CNTN5: variants seen among roughly 807,000 people sequenced by gnomAD.
CNTN5 encodes the protein contactin 5, also known as contactin-5.
Under a neutral mutation model 129.1 loss-of-function variants are expected in CNTN5, and 77 were observed. That is an observed-to-expected ratio of 0.60 (90% CI 0.50 to 0.72). The LOEUF is 0.72. Ranked by LOEUF, CNTN5 falls within the 30% of genes least tolerant of loss-of-function variation. CNTN5 has a pLI of 0.00. For missense variants in CNTN5, 1,478 were observed against 1,328.8 expected (o/e 1.11, Z -1.75); for synonymous variants, 509 against 465.6 (o/e 1.09, Z -1.20).
At chr11:99,287,650 C>T (rs1863994343) in intron 1 of CNTN5, among the ~76,000 whole-genome samples, 1 of 151,938 alleles carries the variant, frequency 6.6e-6, no homozygotes, top group African/African-American at 2.4e-5. Context: ...TAGTAGTTGA[C>T]ACTCATCATA....
At chr11:100,323,900 A>C (rs545255508) in intron 21 of CNTN5, among the ~76,000 whole-genome samples, 2 of 152,178 alleles carry the variant, frequency 1.3e-5, no homozygotes, top group East Asian at 1.9e-4. Context: ...TACATCTCCA[A>C]AATTCTCTCT....
chr11:99,681,489 A>G (rs1178393753), intron 3 of CNTN5, among the ~76,000 whole-genome samples: 1 of 152,124 alleles, frequency 6.6e-6, no homozygotes, highest in East Asian at 1.9e-4. Flanking sequence ...GCAGCAAAAG[A>G]TGACCATTTG....
chr11:99,694,363 C>G (rs1954169457), intron 3 of CNTN5, among the ~76,000 whole-genome samples: 1 of 152,072 alleles, frequency 6.6e-6, no homozygotes, highest in African/African-American at 2.4e-5. Context: ...TGAGTAGTTG[C>G]AACAGAGTGT....
At chr11:100,211,684 G>A (rs920805961) in intron 15 of CNTN5, among the ~76,000 whole-genome samples, 1 of 152,104 alleles carries the variant, frequency 6.6e-6, no homozygotes, top group Non-Finnish European at 1.5e-5. Context: ...TTTAGTTGAT[G>A]GTAAACACTT....
chr11:99,370,441 A>G (rs1185664649), intron 2 of CNTN5, among the ~76,000 whole-genome samples: 7 of 152,184 alleles, frequency 4.6e-5, no homozygotes, highest in Admixed American at 4.6e-4. Context: ...CTTGACTCTT[A>G]AGAAGTATTG....
At chr11:99,168,338 G>C (rs974379356) in intron 1 of CNTN5, among the ~76,000 whole-genome samples, 3 of 152,110 alleles carry the variant, frequency 2.0e-5, no homozygotes, top group Admixed American at 1.3e-4. Context: ...CCGAGGCCGG[G>C]GGGGTGGGGG....
At chr11:99,974,869 A>G (rs775090521) in intron 8 of CNTN5, among the ~76,000 whole-genome samples, 1 of 152,244 alleles carries the variant, frequency 6.6e-6, no homozygotes, top group Non-Finnish European at 1.5e-5. Flanking sequence ...TTGGTTATAA[A>G]GGAAAAAAAA....
intron 2 of CNTN5, among the ~76,000 whole-genome samples, chr11:99,523,581 C>A (rs930348903): frequency 6.7e-6 from 1 of 148,734 alleles, no homozygotes; most frequent in Non-Finnish European, 1.5e-5. Flanking sequence ...CAGAGGGAGA[C>A]CCCATCTCAA....
intron 3 of CNTN5, among the ~76,000 whole-genome samples, chr11:99,558,033 G>A (rs1022905717): frequency 7.3e-5 from 11 of 151,666 alleles, no homozygotes; most frequent in African/African-American, 2.7e-4. Context: ...AGACATGCAA[G>A]GAAAAAGGAT....
chr11:99,461,626 A>G (rs1447613325), intron 2 of CNTN5, among the ~76,000 whole-genome samples: 1 of 152,196 alleles, frequency 6.6e-6, no homozygotes, highest in Non-Finnish European at 1.5e-5. Flanking sequence ...TCAATATAGT[A>G]GTAAATTTCT....
At chr11:99,780,257 A>G (rs971749542) in intron 3 of CNTN5, among the ~76,000 whole-genome samples, 2 of 152,084 alleles carry the variant, frequency 1.3e-5, no homozygotes, top group Non-Finnish European at 2.9e-5. Flanking sequence ...ATACGTTAGT[A>G]TATTTACAAG....
rs185249141 is a variant in CNTN5, at chr11:99,957,333, T to A, written c.877+324T>A. Among the ~76,000 whole-genome samples the A allele has an allele frequency of 6.7e-4, 102 of 152,312 alleles. 1 individual carries two copies. Among genetic ancestry groups the A allele is most frequent in the South Asian group, 4.8e-3 (23 of 4,824 alleles). On this transcript the variant is annotated intron_variant, in intron 8 of 24. Coordinates refer to ENST00000524871, the MANE Select transcript of CNTN5 (RefSeq NM_014361.4). ...CTCTTCAGTGCCTCTATATAACATA[T>A]GTGTATGAATTGCAAGCATTTTATG...
rs35250111 is a variant in CNTN5, at chr11:99,243,736, ATTTT to A, written c.-209-81595_-209-81592del. Among the ~76,000 whole-genome samples, 6 of 117,660 alleles carry A rather than the reference ATTTT, an allele frequency of 5.1e-5. No homozygotes were observed. In the East Asian group the frequency reaches 9.1e-4, roughly 18 times the overall value. The allele number at this position is 117,660 out of a possible 152,430, so 77.2% of individuals were successfully genotyped here. A position where few individuals can be genotyped will look rare whatever the true frequency, so the allele number is the denominator to read the frequency against. On this transcript the variant is annotated intron_variant, in intron 1 of 24. Transcript: ENST00000524871. ...ATAGGAAGTCCTTTCCCTATTGCTT[ATTTT>A]TTTTTTTTTTTTTTGGAGATCAGTT...
intron 3 of CNTN5, among the ~76,000 whole-genome samples, chr11:99,562,532 A>G (rs1029924825): frequency 6.6e-6 from 1 of 152,160 alleles, no homozygotes; most frequent in South Asian, 2.1e-4. Context: ...TACATGTTTC[A>G]TACTACCATG....
At chr11:99,706,614 A>T (rs1016861100) in intron 3 of CNTN5, among the ~76,000 whole-genome samples, 1 of 151,466 alleles carries the variant, frequency 6.6e-6, no homozygotes, top group Non-Finnish European at 1.5e-5. Context: ...CTAAATTTGT[A>T]TGTGGTGTCG....
intron 2 of CNTN5, among the ~76,000 whole-genome samples, chr11:99,545,817 C>A (rs1416305490): frequency 1.3e-5 from 2 of 152,172 alleles, no homozygotes; most frequent in African/African-American, 4.8e-5. Flanking sequence ...GAAGCAGTAA[C>A]CCAAGTCCCC....
chr11:99,622,848 T>C (rs569123541), intron 3 of CNTN5, among the ~76,000 whole-genome samples: 7 of 114,242 alleles, frequency 6.1e-5, no homozygotes, highest in African/African-American at 1.8e-4. Context: ...AAAAAAAAAG[T>C]GCCAAGTGAA....
chr11:99,656,565 C>T (rs635067), intron 3 of CNTN5, among the ~76,000 whole-genome samples: 93,048 of 152,016 alleles, frequency 0.61, 29,444 homozygotes, highest in Admixed American at 0.7. Context: ...TGTCCTGGAC[C>T]CATGCACTAG....
rs141408293 is a variant in CNTN5, at chr11:99,991,743, GGTTT to G, written c.878-10270_878-10267del. Among the ~76,000 whole-genome samples, 11 of 140,490 alleles carry G rather than the reference GGTTT, an allele frequency of 7.8e-5. No homozygotes were observed. In the South Asian group the frequency reaches 9.6e-4, roughly 12 times the overall value. The allele number at this position is 140,490 out of a possible 152,430, so 92.2% of individuals were successfully genotyped here. A position where few individuals can be genotyped will look rare whatever the true frequency, so the allele number is the denominator to read the frequency against. On this transcript the variant is annotated intron_variant, in intron 8 of 24. Coordinates refer to ENST00000524871, the MANE Select transcript of CNTN5 (RefSeq NM_014361.4). ...AGCTCCAGTGACTGTCAGACATGCA[GGTTT>G]GTTTGTTTGTTTGTTTGTTTCCACT... is the stretch of plus-strand genomic sequence containing the variant.
Sources: allele counts gnomAD v4.1 joint callset (sites outside exome capture counted in the v4.1 genomes callset), GRCh38; gene constraint gnomAD v4.1.1; transcripts MANE v1.5; gene names NCBI Gene and HGNC (gene_info 2026-07-23, HGNC 2026-07-21).